The following ATOSA variants were observed in gnomAD, a reference collection of about 807,000 sequenced individuals.
The protein encoded by ATOSA is atos homolog A, also known as atos homolog protein A.
the ATOSA span, among the ~76,000 whole-genome samples, chr15:52,627,511 T>C: frequency 8.9e-4 from 136 of 152,210 alleles, no homozygotes; most frequent in Middle Eastern, 0.01. Flanking sequence ...TGTAGTGATT[T>C]AGCTTATTGA....
At chr15:52,598,941 G>C in the ATOSA span, among the ~76,000 whole-genome samples, 1 of 152,010 alleles carries the variant, frequency 6.6e-6, no homozygotes, top group South Asian at 2.1e-4. Context: ...TCTTGTTCCT[G>C]CTCTCACCAT....
At chr15:52,582,891 T>C in the ATOSA span, among the ~76,000 whole-genome samples, 1 of 152,262 alleles carries the variant, frequency 6.6e-6, no homozygotes, top group Admixed American at 6.5e-5. Flanking sequence ...CCACTGCTAA[T>C]ATCTGTAATA....
At chr15:52,612,262 G>C in the ATOSA span, among the ~76,000 whole-genome samples, 1 of 152,120 alleles carries the variant, frequency 6.6e-6, no homozygotes, top group Non-Finnish European at 1.5e-5. Context: ...TGGGATTACA[G>C]GAATGAGCCA....
chr15:52,691,913 C>T, the ATOSA span, among the ~76,000 whole-genome samples: 3 of 151,760 alleles, frequency 2.0e-5, no homozygotes, highest in Admixed American at 1.3e-4. Context: ...AAAGAGATAC[C>T]AGGCCCAGAA....
At chr15:52,662,646 T>A in the ATOSA span, among the ~76,000 whole-genome samples, 1 of 151,638 alleles carries the variant, frequency 6.6e-6, no homozygotes, top group Non-Finnish European at 1.5e-5. Flanking sequence ...GGCGGGTGCC[T>A]GTAGTCCCAG....
the ATOSA span, among the ~76,000 whole-genome samples, chr15:52,694,904 CT>C: frequency 1.4e-3 from 195 of 140,202 alleles, 1 homozygote; most frequent in Admixed American, 4.2e-3. Context: ...CCCCATTATT[CT>C]TTTTTTTTTT....
At chr15:52,630,637 T>C in the ATOSA span, among the ~76,000 whole-genome samples, 6 of 152,334 alleles carry the variant, frequency 3.9e-5, no homozygotes, top group African/African-American at 1.4e-4. Flanking sequence ...TGGCATTACC[T>C]AGTTAAGAAG....
At chr15:52,611,072 G>A in the ATOSA span, 12 of 1,511,058 alleles carry the variant, frequency 7.9e-6, no homozygotes, top group African/African-American at 8.4e-5. Context: ...AATGCCATTC[G>A]GTTGCTAACC....
the ATOSA span, among the ~76,000 whole-genome samples, chr15:52,705,647 A>G: frequency 6.6e-6 from 1 of 152,190 alleles, no homozygotes; most frequent in Admixed American, 6.6e-5. Context: ...CAGTTCAGTG[A>G]ATTCTTAAGT....
chr15:52,656,986 A>G, the ATOSA span: 2 of 152,164 alleles, frequency 1.3e-5, no homozygotes, highest in African/African-American at 4.8e-5. Context: ...ATTTTTTATT[A>G]TAATAAAATA....
At chr15:52,609,428 T>C in the ATOSA span, 3 of 1,613,630 alleles carry the variant, frequency 1.9e-6, no homozygotes, top group Non-Finnish European at 2.5e-6. Context: ...GTTGGATCAA[T>C]GTGCTCCAAG....
At chr15:52,705,993 G>C in the ATOSA span, among the ~76,000 whole-genome samples, 1 of 151,758 alleles carries the variant, frequency 6.6e-6, no homozygotes, top group South Asian at 2.1e-4. Context: ...TGTACATTTG[G>C]GTCATTTCCA....
the ATOSA span, among the ~76,000 whole-genome samples, chr15:52,687,213 G>A: frequency 2.0e-5 from 3 of 152,156 alleles, no homozygotes; most frequent in African/African-American, 7.2e-5. Context: ...AGACCATCCT[G>A]GCTAACATGG....
chr15:52,661,736 G>A, the ATOSA span, among the ~76,000 whole-genome samples: 134,221 of 152,080 alleles, frequency 0.88, 59,363 homozygotes, highest in East Asian at 1. Flanking sequence ...CCATGGTTAG[G>A]CTACGACCTC....
chr15:52,651,867 C>T, the ATOSA span: 2 of 1,535,348 alleles, frequency 1.3e-6, no homozygotes, highest in Admixed American at 2.0e-5. Context: ...CTTCACTACA[C>T]ACCTTCTCTG....
chr15:52,702,031 A>G, the ATOSA span, among the ~76,000 whole-genome samples: 3 of 152,202 alleles, frequency 2.0e-5, no homozygotes, highest in Non-Finnish European at 4.4e-5. Context: ...ATCACTAATC[A>G]GAGAAATGCA....
At chr15:52,610,922 T>C in the ATOSA span, among the ~76,000 whole-genome samples, 1 of 152,248 alleles carries the variant, frequency 6.6e-6, no homozygotes, top group Non-Finnish European at 1.5e-5. Flanking sequence ...GTTCTCTTGA[T>C]ATTATTCATA....
At chr15:52,609,705 T>C in the ATOSA span, 4 of 1,613,608 alleles carry the variant, frequency 2.5e-6, no homozygotes, top group East Asian at 6.7e-5. Context: ...TTGAATGGAG[T>C]GAACTAGACT....
chr15:52,633,637 T>C, the ATOSA span, among the ~76,000 whole-genome samples: 1 of 152,036 alleles, frequency 6.6e-6, no homozygotes, highest in South Asian at 2.1e-4. Flanking sequence ...ATCCCATCAA[T>C]TAGATTTAAA....
Sources: allele counts gnomAD v4.1 joint callset (sites outside exome capture counted in the v4.1 genomes callset), GRCh38; gene constraint gnomAD v4.1.1; transcripts MANE v1.5; gene names NCBI Gene and HGNC (gene_info 2026-07-23, HGNC 2026-07-21).